SNAP91: variants seen among roughly 807,000 people sequenced by gnomAD.
SNAP91 encodes the protein clathrin coat assembly protein AP180.
In SNAP91, 27 loss-of-function variants were observed where a neutral mutation model predicts 100.3. The ratio of observed to expected loss-of-function variants is 0.27; its 90% confidence interval spans 0.20 to 0.37. The LOEUF (loss-of-function observed/expected upper bound fraction) is 0.37, where lower values mean the gene tolerates loss of function less well. Among genes scored for constraint, SNAP91 ranks in the 10% least tolerant of loss-of-function variants. The pLI, the probability that SNAP91 is intolerant of heterozygous loss-of-function variation, is 1.00. For synonymous variants in SNAP91, 404 were observed against 398.6 expected, an observed-to-expected ratio of 1.01 and a Z score of -0.16; for missense variants, 986 against 1,123.7, an observed-to-expected ratio of 0.88 and a Z score of 1.75.
rs1297723510 is a variant in SNAP91, at chr6:83,554,057, C to G, written c.*239G>C. 6.4e-6 allele frequency: 1 copy of G among 155,928 alleles called. No individual in the cohort carries two copies. The highest frequency in any genetic ancestry group is 1.5e-5 in the Non-Finnish European group (1 of 68,964). The allele number at this position is 155,928 out of a possible 1,614,324, so 9.7% of individuals were successfully genotyped here. On this transcript the variant is annotated 3_prime_UTR_variant, in exon 30 of 30. Transcript: ENST00000369694. ...AGTAACATCCATTCATTGTTTACAT[C>G]GTACAATACACAAATAATCCAAATA...
At chr6:83,626,989 G>T (rs2096960054) in intron 8 of SNAP91, among the ~76,000 whole-genome samples, 1 of 152,010 alleles carries the variant, frequency 6.6e-6, no homozygotes, top group African/African-American at 2.4e-5. Flanking sequence ...TTGGCTGTGG[G>T]TTTGTCATAG....
intron 8 of SNAP91, among the ~76,000 whole-genome samples, chr6:83,629,212 T>C (rs369498770): frequency 3.5e-4 from 53 of 152,286 alleles, no homozygotes; most frequent in African/African-American, 1.2e-3. Flanking sequence ...TTCTGTTCCA[T>C]TGGTCTATGT....
At chr6:83,572,477 C>T (rs900550926) in intron 26 of SNAP91, among the ~76,000 whole-genome samples, 1 of 152,070 alleles carries the variant, frequency 6.6e-6, no homozygotes, top group African/African-American at 2.4e-5. Context: ...GTCTTGAACT[C>T]CTGACCTCAA....
At chr6:83,656,264 T>C (rs1235792157) in intron 7 of SNAP91, among the ~76,000 whole-genome samples, 2 of 152,104 alleles carry the variant, frequency 1.3e-5, no homozygotes, top group African/African-American at 4.8e-5. Flanking sequence ...AAAGGGCATA[T>C]CCCACAAAAA....
intron 12 of SNAP91, among the ~76,000 whole-genome samples, chr6:83,609,246 T>G (rs760444130): frequency 3.3e-5 from 5 of 151,992 alleles, no homozygotes; most frequent in African/African-American, 1.2e-4. Flanking sequence ...AAAATTCAAT[T>G]TGGCCGAAAA....
chr6:83,677,192 A>C (rs2098921457), intron 2 of SNAP91, among the ~76,000 whole-genome samples: 1 of 152,164 alleles, frequency 6.6e-6, no homozygotes, highest in Admixed American at 6.6e-5. Flanking sequence ...TGTTTGAGAC[A>C]CATCCAAAGG....
intron 26 of SNAP91, among the ~76,000 whole-genome samples, chr6:83,570,548 C>CGGGGGGGGGGG (rs1805071633): frequency 1.3e-5 from 1 of 74,642 alleles, no homozygotes; most frequent in African/African-American, 7.9e-5. Flanking sequence ...TGGAGGTTTA[C>CGGGGGGGGGGG]GGGGTGGCGG....
At chr6:83,683,981 T>C (rs540278427) in intron 2 of SNAP91, among the ~76,000 whole-genome samples, 2 of 152,308 alleles carry the variant, frequency 1.3e-5, no homozygotes, top group East Asian at 1.9e-4. Flanking sequence ...CTTCGAACTA[T>C]CTTCTGTGAG....
intron 2 of SNAP91, among the ~76,000 whole-genome samples, chr6:83,670,404 T>A (rs1248501206): frequency 1.3e-5 from 2 of 151,908 alleles, no homozygotes; most frequent in African/African-American, 4.8e-5. Flanking sequence ...TTTTATTGGA[T>A]TATTTTATTA....
At chr6:83,628,902 G>A (rs766629596) in intron 8 of SNAP91, among the ~76,000 whole-genome samples, 3 of 151,704 alleles carry the variant, frequency 2.0e-5, no homozygotes, top group South Asian at 2.1e-4. Context: ...TTTTTATTGC[G>A]TTTGCTTTTA....
At chr6:83,651,502 C>A (rs1417861904) in intron 7 of SNAP91, among the ~76,000 whole-genome samples, 1 of 152,046 alleles carries the variant, frequency 6.6e-6, no homozygotes, top group East Asian at 1.9e-4. Context: ...TTCTTTGACC[C>A]ATGTGTTATT....
intron 22 of SNAP91, among the ~76,000 whole-genome samples, chr6:83,586,569 TC>T (rs1178389956): frequency 2.6e-5 from 4 of 152,358 alleles, no homozygotes; most frequent in South Asian, 2.1e-4. Context: ...ACCTTTGTCA[TC>T]CAGTAGTCTG....
intron 24 of SNAP91, among the ~76,000 whole-genome samples, chr6:83,576,321 T>G (rs1042241285): frequency 6.6e-6 from 1 of 152,206 alleles, no homozygotes; most frequent in Non-Finnish European, 1.5e-5. Flanking sequence ...GATGCTGCTA[T>G]TTTAGAAAGG....
At position 83,653,156 on chromosome 6, in the gene SNAP91, G is replaced by A. The variant is rs192815438; in HGVS notation, c.658+3598C>T. Among the ~76,000 whole-genome samples, 60 of 152,092 alleles carry A rather than the reference G, an allele frequency of 3.9e-4. 1 individual carries two copies. Among genetic ancestry groups the A allele is most frequent in the Middle Eastern group, 3.4e-3 (1 of 292 alleles). ...CATTAATTTGGGAAAATTCTCTGTC[G>A]TTATTATTTCAAATATTTTGTCCCT... On this transcript the variant is annotated intron_variant, in intron 7 of 29. Coordinates refer to ENST00000369694, the MANE Select transcript of SNAP91 (RefSeq NM_001242792.2).
At chr6:83,635,027 T>C (rs950894508) in intron 8 of SNAP91, among the ~76,000 whole-genome samples, 1 of 152,238 alleles carries the variant, frequency 6.6e-6, no homozygotes, top group Admixed American at 6.5e-5. Context: ...TTTGATTTTT[T>C]TGATTTATTG....
intron 14 of SNAP91, among the ~76,000 whole-genome samples, chr6:83,603,691 C>T (rs1026805095): frequency 1.1e-4 from 16 of 151,908 alleles, no homozygotes; most frequent in Admixed American, 9.8e-4. Flanking sequence ...AAAAGTAAAG[C>T]ATCTCTTTCT....
intron 8 of SNAP91, among the ~76,000 whole-genome samples, chr6:83,630,006 T>C (rs1237655384): frequency 6.6e-6 from 1 of 152,150 alleles, no homozygotes; most frequent in Non-Finnish European, 1.5e-5. Context: ...ATGGCTTTTA[T>C]TATATTGATG....
intron 5 of SNAP91, among the ~76,000 whole-genome samples, chr6:83,661,244 G>T (rs2098538515): frequency 1.3e-5 from 2 of 151,922 alleles, no homozygotes; most frequent in Non-Finnish European, 2.9e-5. Flanking sequence ...ATTTGTCCTG[G>T]GATTAGAGAG....
At chr6:83,678,849 C>T in intron 2 of SNAP91, 1 of 1,271,924 alleles carries the variant, frequency 7.9e-7, no homozygotes, top group South Asian at 1.3e-5. Context: ...AGTCTGTTTT[C>T]TCTCGGAAGT....
Sources: allele counts gnomAD v4.1 joint callset (sites outside exome capture counted in the v4.1 genomes callset), GRCh38; gene constraint gnomAD v4.1.1; transcripts MANE v1.5; gene names NCBI Gene and HGNC (gene_info 2026-07-23, HGNC 2026-07-21).